Variants in CALR3 observed in about 807,000 individuals in gnomAD.
CALR3 encodes calreticulin-3.
A neutral mutation model predicts 48.7 loss-of-function variants in CALR3; 39 were observed. The ratio of observed to expected loss-of-function variants is 0.80; its 90% CI spans 0.62 to 1.05. The LOEUF is 1.05. Among genes scored for constraint, CALR3 ranks in the 50% least tolerant of loss-of-function variants. The pLI, the probability that CALR3 is intolerant of heterozygous loss-of-function variation, is 0.00. For synonymous variants in CALR3, 185 were observed against 172.7 expected, an observed-to-expected ratio of 1.07 and a Z score of -0.56; for missense variants, 449 against 474.7, an observed-to-expected ratio of 0.95 and a Z score of 0.50.
chr19:16,489,876 C>A (rs1396788896), intron 3 of CALR3, among the ~76,000 whole-genome samples: 1 of 151,934 alleles, frequency 6.6e-6, no homozygotes, highest in Non-Finnish European at 1.5e-5. Context: ...AAAAAAACTA[C>A]ACAGGTTGAG....
At position 16,479,320 on chromosome 19, in the gene CALR3, T is replaced by TCGTGCCTGTCAC. The variant is rs2093376765; in HGVS notation, c.1012-47_1012-46insGTGACAGGCACG. Reference sequence around the variant, plus strand: ...CATAAGCCCCACCGGGTGCGATGGCTCGTGCCTGTAATCCCAGCACTTTGG... The same window carrying TCGTGCCTGTCAC: ...CATAAGCCCCACCGGGTGCGATGGCTCGTGCCTGTCACCGTGCCTGTAATCCCAGCACTTTGG... On this transcript the variant is annotated intron_variant, in intron 8 of 8. Transcript: ENST00000269881. 5 of 1,610,742 alleles carry TCGTGCCTGTCAC rather than the reference T, an allele frequency of 3.1e-6. No individual in the cohort carries two copies. In the East Asian group the frequency reaches 1.1e-4, roughly 36 times the overall value.
chr19:16,491,419 A>G, intron 2 of CALR3, among the ~76,000 whole-genome samples: 1 of 147,370 alleles, frequency 6.8e-6, no homozygotes, highest in South Asian at 2.3e-4. Context: ...ACCGTGCCCG[A>G]CTGGTCCCTT....
intron 2 of CALR3, among the ~76,000 whole-genome samples, chr19:16,494,337 C>T (rs1343204048): frequency 6.6e-6 from 1 of 152,006 alleles, no homozygotes; most frequent in Non-Finnish European, 1.5e-5. Context: ...GCTGGGATTA[C>T]AGGCGTGAGC....
chr19:16,485,974 T>C (rs561764758), intron 3 of CALR3, among the ~76,000 whole-genome samples: 62 of 152,250 alleles, frequency 4.1e-4, no homozygotes, highest in African/African-American at 1.4e-3. Flanking sequence ...GTGAATATCT[T>C]ATTATTGTTG....
Position 16,482,540 on chromosome 19 carries a change from G to A in CALR3, c.828C>T (p.Leu276=). ...AGTCGGTATTCTTCATCTTACGGTGGAGCCAGACGTCTTTATGAATACCTT... is the reference window on the plus strand; with the variant it reads ...AGTCGGTATTCTTCATCTTACGGTGAAGCCAGACGTCTTTATGAATACCTT... The part of the protein sequence containing the change: ...KPEGIHKDVW[L]HRKMKNTDYL... Residue 276 remains leucine, a synonymous_variant, in exon 7 of 9, where the codon CTC becomes CTT. Coordinates refer to ENST00000269881, the MANE Select transcript of CALR3 (RefSeq NM_145046.5). 1 of 1,614,218 alleles carries A rather than the reference G, an allele frequency of 6.2e-7. No individual in the cohort carries two copies. Among genetic ancestry groups the A allele is most frequent in the Non-Finnish European group, 8.5e-7 (1 of 1,180,042 alleles).
chr19:16,495,854 T>C lies in CALR3; in HGVS notation c.92-2A>G, dbSNP rs1337083396. On this transcript the variant is annotated splice_acceptor_variant, in intron 1 of 8. Coordinates refer to ENST00000269881, the MANE Select transcript of CALR3 (RefSeq NM_145046.5). LOFTEE classifies it high-confidence loss of function. ...GCAACCATCGGTTTCTCCAATGCTCTGTGGGGAAGGGGAAATAACACCGGT... is the reference window on the plus strand; with the variant it reads ...GCAACCATCGGTTTCTCCAATGCTCCGTGGGGAAGGGGAAATAACACCGGT... The C allele has an allele frequency of 3.7e-6, 6 of 1,613,462 alleles. No individual in the cohort carries two copies. The highest frequency in any genetic ancestry group is 5.1e-6 in the Non-Finnish European group (6 of 1,179,400).
rs10404156 is a variant in CALR3, at chr19:16,482,518, C to T, written c.850G>A (p.Asp284Asn). Reference sequence around the variant, plus strand: ...GAGAGGTCATACTGCGTCAAATAGTCGGTATTCTTCATCTTACGGTGGAGC... The same window carrying T: ...GAGAGGTCATACTGCGTCAAATAGTTGGTATTCTTCATCTTACGGTGGAGC... Reference protein sequence around the residue: ...VWLHRKMKNTDYLTQYDLSEF... With the variant: ...VWLHRKMKNTNYLTQYDLSEF... The change falls in exon 7 of 9, where the codon GAC (aspartate) becomes AAC (asparagine). Residue 284 changes from aspartate (D) to asparagine (N), a missense_variant. Asp to Asn is a conservative substitution (Grantham distance 23). Transcript: ENST00000269881. 1,411 of 1,614,222 alleles carry T rather than the reference C, an allele frequency of 8.7e-4. 10 individuals carry two copies. In the African/African-American group the frequency reaches 0.015, roughly 17 times the overall value.
chr19:16,480,490 T>A (rs1163562079), intron 8 of CALR3, 124 bp downstream of exon 8: 3 of 694,484 alleles, frequency 4.3e-6, no homozygotes, highest in Non-Finnish European at 7.8e-6. Flanking sequence ...AGGTGGAGGT[T>A]GCAGTGAGCC....
intron 3 of CALR3, among the ~76,000 whole-genome samples, chr19:16,485,796 T>A: frequency 6.6e-6 from 1 of 151,696 alleles, no homozygotes; most frequent in East Asian, 2.0e-4. Flanking sequence ...ATAGCTGTGA[T>A]TACAGGCATG....
intron 5 of CALR3, 93 bp from the exon 6 acceptor site, chr19:16,482,878 G>T: frequency 8.2e-7 from 1 of 1,223,338 alleles, no homozygotes. Flanking sequence ...ACTAGGTTTT[G>T]CTCTCACCCA....
intron 2 of CALR3, among the ~76,000 whole-genome samples, chr19:16,491,163 C>A (rs1458346247): frequency 2.0e-5 from 3 of 151,832 alleles, no homozygotes; most frequent in Admixed American, 1.3e-4. Context: ...CGCTCTGTCG[C>A]CCAGGCTGGA....
Position 16,479,271 on chromosome 19 carries a change from G to A in CALR3, c.1015C>T (p.Pro339Ser). Residue 339 changes from proline to serine, a missense_variant, in exon 9 of 9, where the codon CCA becomes TCA. Coordinates refer to ENST00000269881, the MANE Select transcript of CALR3 (RefSeq NM_145046.5). ...GKATWGETKG[P>S]EREMDAIQAK... ...TGTATGGCATCCATCTCCCTTTCTG[G>A]ACCCTGGAGAAAGAAAGAAAAAACA... The A allele has an allele frequency of 1.2e-6, 2 of 1,613,816 alleles. No homozygotes were observed. The highest frequency in any genetic ancestry group is 1.7e-6 in the Non-Finnish European group (2 of 1,179,964).
intron 2 of CALR3, among the ~76,000 whole-genome samples, chr19:16,491,379 C>T (rs2093397804): frequency 6.6e-6 from 1 of 151,692 alleles, no homozygotes; most frequent in African/African-American, 2.4e-5. Flanking sequence ...GCCTCGGCCT[C>T]CCAAAGTGCT....
At chr19:16,487,496 A>AC (rs1183548396) in intron 3 of CALR3, among the ~76,000 whole-genome samples, 12 of 151,444 alleles carry the variant, frequency 7.9e-5, no homozygotes, top group African/African-American at 1.5e-4. Flanking sequence ...AAAAAAAAAA[A>AC]AACATTTTGT....
chr19:16,481,923 T>TCC (rs150477187), intron 7 of CALR3, among the ~76,000 whole-genome samples: 3 of 126,294 alleles, frequency 2.4e-5, no homozygotes, highest in South Asian at 2.5e-4. Flanking sequence ...TTTTTTTTTT[T>TCC]TGAGACGGAG....
rs1317074220 is a variant in CALR3, at chr19:16,482,599, T to C, written c.787-18A>G. ...AGGCCATCCTGTATCAAAAAAACCA[T>C]ATGGGGTGGTCTCAATGACATGGGC... On this transcript the variant is annotated intron_variant, in intron 6 of 8. Transcript: ENST00000269881. 1.1e-5 allele frequency: 17 copies of C among 1,613,916 alleles called. No homozygotes were observed. The highest frequency in any genetic ancestry group is 1.6e-4 in the Middle Eastern group (1 of 6,084).
intron 2 of CALR3, among the ~76,000 whole-genome samples, chr19:16,492,142 A>G (rs1488628230): frequency 1.3e-5 from 2 of 151,988 alleles, no homozygotes; most frequent in Non-Finnish European, 2.9e-5. Flanking sequence ...ACTTTCACAT[A>G]TGTGAAAGCA....
intron 2 of CALR3, among the ~76,000 whole-genome samples, chr19:16,492,325 G>A (rs1020749195): frequency 6.6e-6 from 1 of 152,060 alleles, no homozygotes; most frequent in African/African-American, 2.4e-5. Context: ...GCGTAGTGGC[G>A]CGTGCCTGTG....
intron 3 of CALR3, among the ~76,000 whole-genome samples, chr19:16,488,830 C>A (rs1449274672): frequency 6.6e-6 from 1 of 152,148 alleles, no homozygotes; most frequent in African/African-American, 2.4e-5. Context: ...TGTCAGGAGA[C>A]ATTTAATATT....
Sources: gnomAD v4.1 joint callset for allele counts (sites outside exome capture counted in the v4.1 genomes callset) on GRCh38, gnomAD v4.1.1 for gene constraint, MANE v1.5 for transcripts, NCBI Gene and HGNC (gene_info 2026-07-23, HGNC 2026-07-21) for gene names.